DPF3: variants seen among roughly 807,000 people sequenced by gnomAD.
The protein encoded by DPF3 is double PHD fingers 3.
In DPF3, 18 loss-of-function variants were observed where a neutral mutation model predicts 56.8. The observed-to-expected ratio is 0.32, with a 90% CI of 0.22 to 0.47. The LOEUF is 0.47. DPF3 is among the 20% of genes least tolerant of loss of function. The pLI, the probability that DPF3 is intolerant of heterozygous loss-of-function variation, is 1.00. For synonymous variants in DPF3, 188 were observed against 180.2 expected, an observed-to-expected ratio of 1.04 and a Z score of -0.35; for missense variants, 403 against 488.8, an observed-to-expected ratio of 0.82 and a Z score of 1.65.
Position 72,792,907 on chromosome 14 carries a change from A to C in DPF3, c.33-21014T>G, listed in dbSNP as rs562284687. ...ACTGCAAGGAAAATATCCAGAACTG[A>C]GACCGTTCTTCAAAATAATAATTTA... On this transcript the variant is annotated intron_variant, in intron 1 of 10. Transcript: ENST00000556509. 3.4e-5 allele frequency among the ~76,000 whole-genome samples: 5 copies of C among 145,740 alleles called. No individual in the cohort carries two copies. The South Asian group carries it at 1.2e-3, about 34-fold the overall frequency.
intron 9 of DPF3, among the ~76,000 whole-genome samples, chr14:72,627,641 T>C (rs1452240546): frequency 2.6e-5 from 4 of 152,118 alleles, no homozygotes; most frequent in Non-Finnish European, 4.4e-5. Flanking sequence ...TGCATGTTTG[T>C]TTCTTCATAT....
At chr14:72,669,972 G>A (rs553933624) in intron 8 of DPF3, 1 of 986,012 alleles carries the variant, frequency 1.0e-6, no homozygotes, top group South Asian at 4.7e-5. Flanking sequence ...GGACCTCGCA[G>A]CCGGTCATTC....
At chr14:72,849,640 C>T (rs918047592) in intron 1 of DPF3, among the ~76,000 whole-genome samples, 9 of 152,146 alleles carry the variant, frequency 5.9e-5, no homozygotes, top group African/African-American at 1.9e-4. Flanking sequence ...CATGGCCATT[C>T]TTTATCCACA....
chr14:72,727,132 C>T (rs1014000613), intron 4 of DPF3, among the ~76,000 whole-genome samples: 3 of 151,366 alleles, frequency 2.0e-5, no homozygotes, highest in African/African-American at 7.4e-5. Context: ...TTCCCTGGCA[C>T]AATACTCCGG....
chr14:72,709,178 G>A (rs1888547747), intron 6 of DPF3, among the ~76,000 whole-genome samples: 1 of 152,228 alleles, frequency 6.6e-6, no homozygotes. Flanking sequence ...GAGGCAACAG[G>A]GTGAAGCGGC....
At chr14:72,709,629 G>A (rs1053707217) in intron 6 of DPF3, among the ~76,000 whole-genome samples, 1 of 152,116 alleles carries the variant, frequency 6.6e-6, no homozygotes, top group African/African-American at 2.4e-5. Flanking sequence ...CATATGTAAG[G>A]GGCAGTTAGT....
chr14:72,869,903 G>T (rs1731504297), intron 1 of DPF3, among the ~76,000 whole-genome samples: 1 of 152,166 alleles, frequency 6.6e-6, no homozygotes, highest in East Asian at 1.9e-4. Flanking sequence ...GATGATGGGG[G>T]GTAGGGTGAG....
chr14:72,637,504 C>G (rs1268958585), intron 8 of DPF3, among the ~76,000 whole-genome samples: 1 of 152,182 alleles, frequency 6.6e-6, no homozygotes, highest in Non-Finnish European at 1.5e-5. Flanking sequence ...ATGGCAGGCA[C>G]TCTTCCAGGT....
rs3058950 is a variant in DPF3 at position 72,828,537 on chromosome 14, T to TAAA, written c.33-56647_33-56645dup. Among the ~76,000 whole-genome samples, 7 of 86,988 alleles carry TAAA rather than the reference T, an allele frequency of 8.0e-5. 2 individuals carry two copies. The highest frequency in any genetic ancestry group is 3.2e-4 in the East Asian group (1 of 3,106). The allele number at this position is 86,988 out of a possible 152,430, so 57.1% of individuals were successfully genotyped here. A position where few individuals can be genotyped will look rare whatever the true frequency, so the allele number is the denominator to read the frequency against. ...TGGGCAACAAAGTGAGACCATGTCT[T>TAAA]AAAAAAAAAAAAAAACTTAATATGA... On this transcript the variant is annotated intron_variant, in intron 1 of 10. Transcript: ENST00000556509.
intron 1 of DPF3, among the ~76,000 whole-genome samples, chr14:72,849,437 T>C (rs901757517): frequency 3.3e-5 from 5 of 152,332 alleles, no homozygotes; most frequent in Non-Finnish European, 7.4e-5. Context: ...CTCTGCACTC[T>C]TCTGCCCACG....
chr14:72,886,936 T>C (rs748823146), intron 1 of DPF3, among the ~76,000 whole-genome samples: 3 of 152,106 alleles, frequency 2.0e-5, no homozygotes, highest in African/African-American at 4.8e-5. Flanking sequence ...ACAGGTATGC[T>C]AGAGGAAGCT....
intron 8 of DPF3, among the ~76,000 whole-genome samples, chr14:72,651,162 G>A (rs1256792275): frequency 6.6e-6 from 1 of 152,234 alleles, no homozygotes; most frequent in Non-Finnish European, 1.5e-5. Flanking sequence ...AAGTCTTTCT[G>A]CAGCATGGCC....
At chr14:72,827,602 A>G (rs1258627353) in intron 1 of DPF3, among the ~76,000 whole-genome samples, 1 of 142,494 alleles carries the variant, frequency 7.0e-6, no homozygotes, top group East Asian at 2.1e-4. Context: ...TCAGCCTCCC[A>G]AGTAGCTGGG....
chr14:72,786,647 C>A (rs922459949), intron 1 of DPF3, among the ~76,000 whole-genome samples: 1 of 152,116 alleles, frequency 6.6e-6, no homozygotes. Flanking sequence ...TAATGAAAAG[C>A]CTCCACCCTC....
chr14:72,714,987 C>G (rs73300111), intron 5 of DPF3, among the ~76,000 whole-genome samples: 1 of 152,204 alleles, frequency 6.6e-6, no homozygotes, highest in Non-Finnish European at 1.5e-5. Context: ...CAAGGCCTGA[C>G]GGGGGCAAGG....
At chr14:72,767,564 G>C (rs184401345) in intron 2 of DPF3, among the ~76,000 whole-genome samples, 3 of 152,160 alleles carry the variant, frequency 2.0e-5, no homozygotes, top group East Asian at 3.9e-4. Flanking sequence ...AACTTGAAGA[G>C]AGAACTATAG....
chr14:72,731,906 C>T lies in DPF3; in HGVS notation c.330G>A (p.Gly110=). The T allele has an allele frequency of 6.3e-7, 1 of 1,598,296 alleles. No homozygotes were observed. The highest frequency in any genetic ancestry group is 8.5e-7 in the Non-Finnish European group (1 of 1,172,358). Reference sequence around the variant, plus strand: ...CCAGCGTGGTGCTCTCTGAGGTGAACCCATCCTTCTTCAGGGGAAGCTCCA... The same window carrying T: ...CCAGCGTGGTGCTCTCTGAGGTGAATCCATCCTTCTTCAGGGGAAGCTCCA... ...PEVELPLKKD[G]FTSESTTLEA... Residue 110 remains glycine (G), a synonymous_variant, in exon 4 of 11, where the codon GGG becomes GGA. Transcript: ENST00000556509.
intron 5 of DPF3, among the ~76,000 whole-genome samples, chr14:72,717,893 A>G (rs1405230983): frequency 1.3e-5 from 2 of 152,128 alleles, no homozygotes; most frequent in Admixed American, 1.3e-4. Flanking sequence ...CAGTATTCCC[A>G]CACTGCTGGG....
intron 7 of DPF3, among the ~76,000 whole-genome samples, chr14:72,685,628 C>T (rs1311213819): frequency 1.3e-5 from 2 of 152,226 alleles, no homozygotes; most frequent in Non-Finnish European, 2.9e-5. Flanking sequence ...ATGACTTGGT[C>T]TTTGTGTGCC....
Sources: allele counts gnomAD v4.1 joint callset (sites outside exome capture counted in the v4.1 genomes callset), GRCh38; gene constraint gnomAD v4.1.1; transcripts MANE v1.5; gene names NCBI Gene and HGNC (gene_info 2026-07-23, HGNC 2026-07-21).